PREB: variants seen among roughly 807,000 people sequenced by gnomAD.
The protein encoded by PREB is prolactin regulatory element binding, also known as guanine nucleotide-exchange factor SEC12.
A neutral mutation model predicts 46.7 loss-of-function variants in PREB; 29 were observed. The ratio of observed to expected loss-of-function variants is 0.62; its 90% CI spans 0.46 to 0.85. The LOEUF (loss-of-function observed/expected upper bound fraction) is 0.85. Ranked by LOEUF, PREB falls within the 40% of genes least tolerant of loss-of-function variation. PREB has a pLI of 0.00. For synonymous variants in PREB, 224 were observed against 220.1 expected (o/e 1.02, Z -0.16); for missense variants, 494 against 528.4 (o/e 0.93, Z 0.64).
Position 27,132,058 on chromosome 2 carries a change from C to A in PREB, c.951G>T (p.Leu317=). ...DVSESGTFLG[L]GTVTGSVAIY... ...TGGCAACAGAGCCAGTGACTGTGCC[C>A]AGGCCTAGGAAGGTGCCGGATTCAC... The change falls in exon 7 of 9, where the codon CTG becomes CTT. Residue 317 remains leucine, a synonymous_variant. Coordinates refer to ENST00000260643, the MANE Select transcript of PREB (RefSeq NM_013388.6). This position sits in a 1 kb window ranked among gnomAD's most constrained non-coding sequence, Gnocchi z 4.0. The A allele has an allele frequency of 6.2e-7, 1 of 1,614,146 alleles. No individual in the cohort carries two copies. The highest frequency in any genetic ancestry group is 8.5e-7 in the Non-Finnish European group (1 of 1,180,012).
Position 27,133,652 on chromosome 2 carries a change from T to A in PREB, c.205A>T (p.Thr69Ser). 6.2e-7 allele frequency: 1 copy of A among 1,614,196 alleles called. No homozygotes were observed. Residue 69 changes from threonine to serine, a missense_variant, in exon 2 of 9, where the codon ACA (threonine) becomes TCA (serine). By Grantham distance (58) the Thr-to-Ser change is moderately conservative. Coordinates refer to ENST00000260643, the MANE Select transcript of PREB (RefSeq NM_013388.6). Reference protein sequence around the residue: ...ASLLHSHDTETRATMNLALAG... With the variant: ...ASLLHSHDTESRATMNLALAG... ...AGTGCCAAGTTCATGGTGGCCCGTG[T>A]CTCTGTGTCATGGGAGTGCAGCAAG...
Position 27,134,536 on chromosome 2 carries a change from C to T in PREB, c.-115G>A. 7.3e-7 allele frequency: 1 copy of T among 1,377,364 alleles called. No homozygotes were observed. Among genetic ancestry groups the T allele is most frequent in the Non-Finnish European group, 9.3e-7 (1 of 1,073,898 alleles). The allele number at this position is 1,377,364 out of a possible 1,614,324, so 85.3% of individuals were successfully genotyped here. The stretch of plus-strand genomic sequence containing the variant: ...CGGCCCCGTCGCCGCCGGGAGCACT[C>T]CCTACCCCTCTCACACCGGGGAGTT... On this transcript the variant is annotated 5_prime_UTR_variant, in exon 1 of 9. Transcript: ENST00000260643.
At chr2:27,134,217 A>T (rs1454841028) in intron 1 of PREB, 70 bp downstream of exon 1, 2 of 1,446,618 alleles carry the variant, frequency 1.4e-6, no homozygotes, top group Non-Finnish European at 1.8e-6. Flanking sequence ...CCGCCCCGCG[A>T]CCCCCCGGCC....
At chr2:27,131,873 G>A (rs1672291890) in intron 7 of PREB, 42 bp from the exon 8 acceptor site, 1 of 1,605,658 alleles carries the variant, frequency 6.2e-7, no homozygotes, top group East Asian at 2.2e-5. Flanking sequence ...GCCTAGCTGG[G>A]AACTCTCTTT....
At position 27,133,722 on chromosome 2, in the gene PREB, C is replaced by CTG. The variant is rs1405999981; in HGVS notation, c.136-3_136-2dup. 1 of 1,613,254 alleles carries CTG rather than the reference C, an allele frequency of 6.2e-7. No homozygotes were observed. The highest frequency in any genetic ancestry group is 1.3e-5 in the African/African-American group (1 of 74,922). On this transcript the variant is annotated splice_acceptor_variant, in intron 1 of 8. Transcript: ENST00000260643. LOFTEE classifies it high-confidence loss of function. ...TAATCAGCTCTAGCTGCAGAAAGTGCTGTGGGAGGGGGAACCCGGATGAGC... is the reference window on the plus strand; with the variant it reads ...TAATCAGCTCTAGCTGCAGAAAGTGCTGTGTGGGAGGGGGAACCCGGATGAGC...
In PREB at chr2:27,132,835, C is replaced by G. The variant is rs369725296; in HGVS notation, c.627+8G>C. ...TTCTCCATCCTCCTCCCACCCCCAGCCCCTCACCTTGCCATCAGGCCCTAA... is the reference window on the plus strand; with the variant it reads ...TTCTCCATCCTCCTCCCACCCCCAGGCCCTCACCTTGCCATCAGGCCCTAA... On this transcript the variant is annotated splice_region_variant and intron_variant, in intron 4 of 8. Coordinates refer to ENST00000260643, the MANE Select transcript of PREB (RefSeq NM_013388.6). This position sits in a 1 kb window ranked among gnomAD's most constrained non-coding sequence, Gnocchi z 4.0. 47 of 1,613,894 alleles carry G rather than the reference C, an allele frequency of 2.9e-5. No homozygotes were observed. Among genetic ancestry groups the G allele is most frequent in the Non-Finnish European group, 3.8e-5 (45 of 1,179,974 alleles).
Position 27,132,148 on chromosome 2 carries a change from C to A in PREB, c.927-66G>T, listed in dbSNP as rs1276883139. 1.2e-6 allele frequency: 2 copies of A among 1,607,902 alleles called. No individual in the cohort carries two copies. Among genetic ancestry groups the A allele is most frequent in the African/African-American group, 2.7e-5 (2 of 74,798 alleles). On this transcript the variant is annotated intron_variant, in intron 6 of 8. Transcript: ENST00000260643. This position sits in a 1 kb window ranked among gnomAD's most constrained non-coding sequence, Gnocchi z 4.0. ...TGCAGCAACCCTCATACCCCAATAC[C>A]GGTCCGTAGGGACCCAGGCAGGACT...
intron 2 of PREB, 74 bp downstream of exon 2, chr2:27,133,458 C>T: frequency 6.3e-7 from 1 of 1,593,704 alleles, no homozygotes; most frequent in Non-Finnish European, 8.6e-7. Flanking sequence ...TCCAGACCCA[C>T]TTCTTTAGAG....
Position 27,132,711 on chromosome 2 carries a change from C to T in PREB, c.644G>A (p.Arg215Gln), listed in dbSNP as rs746814322. The change falls in exon 5 of 9, where the codon CGG (arginine) becomes CAG (glutamine). Residue 215 changes from arginine (R) to glutamine (Q), a missense_variant. Arg to Gln is a conservative substitution (Grantham distance 43, BLOSUM62 1). Coordinates refer to ENST00000260643, the MANE Select transcript of PREB (RefSeq NM_013388.6). The surrounding 1 kb of genome is among the most constrained non-coding windows in gnomAD (Gnocchi z 4.0). ...CTGCCACACAGAGGCCTTAAGGTCC[C>T]GGCCCACGGTTACCAACTAGTTAGG... ...GPDGKLVTVG[R>Q]DLKASVWQKD... The T allele has an allele frequency of 8.1e-6, 13 of 1,613,974 alleles. No homozygotes were observed. The highest frequency in any genetic ancestry group is 5.3e-5 in the African/African-American group (4 of 74,888).
chr2:27,131,527 G>A lies in PREB; in HGVS notation c.1160-19C>T, dbSNP rs928910663. On this transcript the variant is annotated intron_variant, in intron 8 of 8. Coordinates refer to ENST00000260643, the MANE Select transcript of PREB (RefSeq NM_013388.6). The stretch of plus-strand genomic sequence containing the variant: ...ACACTCCCTGCAGGAGGGAAAGGGA[G>A]GAGGTCAGCGGGCAAAAGGGCTTCC... 4.4e-6 allele frequency: 7 copies of A among 1,597,234 alleles called. No individual in the cohort carries two copies. In the East Asian group the frequency reaches 6.8e-5, roughly 16 times the overall value.
intron 8 of PREB, 38 bp downstream of exon 8, chr2:27,131,634 G>C (rs367822643): frequency 3.1e-6 from 5 of 1,609,228 alleles, no homozygotes; most frequent in Non-Finnish European, 4.2e-6. Context: ...GTCATTAAAC[G>C]TGGGGTGGTG....
rs1187960808 is a variant in PREB, at chr2:27,131,405, G to A, written c.*9C>T. On this transcript the variant is annotated 3_prime_UTR_variant, in exon 9 of 9. Transcript: ENST00000260643. The stretch of plus-strand genomic sequence containing the variant: ...TGTCCAGGCTCCTGATTCCCAGGAA[G>A]CAGGGAAGCTAAAGGAAACCTGGAA... 13 of 1,542,754 alleles carry A rather than the reference G, an allele frequency of 8.4e-6. No individual in the cohort carries two copies. Among genetic ancestry groups the A allele is most frequent in the Non-Finnish European group, 1.1e-5 (13 of 1,138,234 alleles).
At position 27,132,603 on chromosome 2, in the gene PREB, C is replaced by T; in HGVS notation, c.752G>A (p.Arg251Lys). Reference sequence around the variant, plus strand: ...CAGCCACCACCCAAAGTCTTCACACCTGCAGGCCTGGTAGCGGTAAGGTGT... The same window carrying T: ...CAGCCACCACCCAAAGTCTTCACACTTGCAGGCCTGGTAGCGGTAAGGTGT... ...SSTPYRYQAC[R>K]FGQVPDQPAG... The change falls in exon 5 of 9, where the codon AGG becomes AAG. Residue 251 changes from arginine (R) to lysine (K), a missense_variant and splice_region_variant. Arg to Lys is a conservative substitution (Grantham distance 26). Transcript: ENST00000260643. The surrounding 1 kb of genome is among the most constrained non-coding windows in gnomAD (Gnocchi z 4.0). 1 of 1,614,080 alleles carries T rather than the reference C, an allele frequency of 6.2e-7. No homozygotes were observed. The highest frequency in any genetic ancestry group is 8.5e-7 in the Non-Finnish European group (1 of 1,180,028).
rs868053385 is a variant in PREB, at chr2:27,134,384, G to C, written c.38C>G (p.Pro13Arg). 6.2e-7 allele frequency: 1 copy of C among 1,609,608 alleles called. No homozygotes were observed. Among genetic ancestry groups the C allele is most frequent in the African/African-American group, 1.3e-5 (1 of 74,894 alleles). ...GACCTGAAGCGCGTACAACGGGAACGGAGCCCGGTACAGCTCTGGCGCCCG... is the reference window on the plus strand; with the variant it reads ...GACCTGAAGCGCGTACAACGGGAACCGAGCCCGGTACAGCTCTGGCGCCCG... ...RRRAPELYRA[P>R]FPLYALQVDP... Residue 13 changes from proline (P) to arginine (R), a missense_variant, in exon 1 of 9, where the codon CCG (proline) becomes CGG (arginine). Physicochemically the swap from Pro to Arg is moderately radical, Grantham distance 103. Coordinates refer to ENST00000260643, the MANE Select transcript of PREB (RefSeq NM_013388.6).
At position 27,133,123 on chromosome 2, in the gene PREB, G is replaced by A; in HGVS notation, c.540C>T (p.Val180=). 6.2e-7 allele frequency: 1 copy of A among 1,613,922 alleles called. No homozygotes were observed. Among genetic ancestry groups the A allele is most frequent in the Admixed American group, 1.7e-5 (1 of 60,008 alleles). Residue 180 remains valine (V), a synonymous_variant, in exon 3 of 9, where the codon GTC becomes GTT. Coordinates refer to ENST00000260643, the MANE Select transcript of PREB (RefSeq NM_013388.6). ...ATGGTDGYVR[V]WKVPSLEKVL... ...TAACCCTGCAAACCCACACCTTCCA[G>A]ACACGGACGTAGCCATCTGTTCCTC...
rs1192249056 is a variant in PREB at position 27,132,859 on chromosome 2, A to C, written c.611T>G (p.Leu204Ter). 1.2e-6 allele frequency: 2 copies of C among 1,613,892 alleles called. No individual in the cohort carries two copies. Among genetic ancestry groups the C allele is most frequent in the East Asian group, 4.5e-5 (2 of 44,876 alleles). Residue 204 changes from leucine to a stop codon, truncating the protein, a stop_gained, in exon 4 of 9, where the codon TTA (leucine) becomes TGA (stop). Coordinates refer to ENST00000260643, the MANE Select transcript of PREB (RefSeq NM_013388.6). LOFTEE classifies it high-confidence loss of function. This position sits in a 1 kb window ranked among gnomAD's most constrained non-coding sequence, Gnocchi z 4.0. ...AHEGEIEDLA[L>*]GPDGKLVTVG... is the part of the protein sequence containing the mutation. The stretch of plus-strand genomic sequence containing the variant: ...GCCCCTCACCTTGCCATCAGGCCCT[A>C]AAGCCAGGTCTTCAATCTCCCCTTC...
rs1457992132 is a variant in PREB at position 27,130,852 on chromosome 2, A to G, written c.*562T>C. On this transcript the variant is annotated 3_prime_UTR_variant, in exon 9 of 9. Coordinates refer to ENST00000260643, the MANE Select transcript of PREB (RefSeq NM_013388.6). ...TTTTCCCATTCCTCAAGGTAAGGGT[A>G]GACTACCTAGGAACTTATTGCATCT... 16 of 1,287,184 alleles carry G rather than the reference A, an allele frequency of 1.2e-5. No homozygotes were observed. The East Asian group carries it at 3.9e-4, about 32-fold the overall frequency. 79.7% of individuals were successfully genotyped at this position (1,287,184 alleles called of 1,614,324 possible).
intron 1 of PREB, 127 bp from the exon 2 acceptor site, chr2:27,133,848 TTCTCTC>T: frequency 6.3e-6 from 6 of 949,964 alleles, no homozygotes; most frequent in South Asian, 1.7e-5. Context: ...CGAGTCTTTT[TTCTCTC>T]ATTTGGGCCT....
chr2:27,133,986 G>A (rs1040633164), intron 1 of PREB: 3 of 604,444 alleles, frequency 5.0e-6, no homozygotes, highest in African/African-American at 3.7e-5. Context: ...CGCTGCTAGA[G>A]GGCAGGCAAG....
Sources: allele counts gnomAD v4.1 joint callset, GRCh38; gene constraint gnomAD v4.1.1; non-coding constraint Gnocchi (gnomAD v3.1); transcripts MANE v1.5; gene names NCBI Gene and HGNC (gene_info 2026-07-23, HGNC 2026-07-21).